RIPOR2: variants seen among roughly 807,000 people sequenced by gnomAD.
RIPOR2 encodes rho family-interacting cell polarization regulator 2.
A neutral mutation model predicts 114.5 loss-of-function variants in RIPOR2; 39 were observed. That is an observed-to-expected ratio of 0.34 (90% confidence interval 0.26 to 0.44). The LOEUF (loss-of-function observed/expected upper bound fraction) is 0.44. Among genes scored for constraint, RIPOR2 ranks in the 20% least tolerant of loss-of-function variants. The pLI is 1.00. For missense variants in RIPOR2, 1,007 were observed against 1,255.1 expected (o/e 0.80, Z 2.99); for synonymous variants, 445 against 484.4 (o/e 0.92, Z 1.07).
intron 1 of RIPOR2, among the ~76,000 whole-genome samples, chr6:25,008,939 G>A (rs1003019274): frequency 1.4e-4 from 22 of 152,250 alleles, no homozygotes; most frequent in African/African-American, 5.3e-4. Context: ...ACTAAGCAGG[G>A]AGAGGTCAAT....
chr6:24,888,687 T>C (rs771024280), intron 1 of RIPOR2, among the ~76,000 whole-genome samples: 1 of 152,212 alleles, frequency 6.6e-6, no homozygotes, highest in Non-Finnish European at 1.5e-5. Context: ...TAAAGCTACA[T>C]GCTGTATTTC....
intron 11 of RIPOR2, 126 bp downstream of exon 11, chr6:24,849,675 TG>T: frequency 1.2e-6 from 1 of 830,086 alleles, no homozygotes; most frequent in Non-Finnish European, 1.9e-6. Flanking sequence ...AGTCCTGGGG[TG>T]GGGCCCGAGA....
chr6:24,976,374 G>C, intron 1 of RIPOR2: 1 of 1,210,078 alleles, frequency 8.3e-7, no homozygotes, highest in Non-Finnish European at 1.2e-6. Context: ...AACGAGAAAA[G>C]GCTTTGCAGA....
rs1465163444 is a variant in RIPOR2, at chr6:24,858,987, A to G, written c.715+1986T>C. Among the ~76,000 whole-genome samples, 1 of 152,146 alleles carries G rather than the reference A, an allele frequency of 6.6e-6. No individual in the cohort carries two copies. The highest frequency in any genetic ancestry group is 2.4e-5 in the African/African-American group (1 of 41,426). On this transcript the variant is annotated intron_variant, in intron 8 of 21. Transcript: ENST00000643898. The surrounding 1 kb of genome is among the most constrained non-coding windows in gnomAD (Gnocchi z 4.0). Reference sequence around the variant, plus strand: ...AGAGGATCTGCCCGTGAGGGAGACCATTCTTTGAGCAATGGTTTATATTGT... The same window carrying G: ...AGAGGATCTGCCCGTGAGGGAGACCGTTCTTTGAGCAATGGTTTATATTGT...
intron 1 of RIPOR2, among the ~76,000 whole-genome samples, chr6:24,884,104 C>G (rs1301206213): frequency 1.3e-5 from 2 of 152,160 alleles, no homozygotes; most frequent in Non-Finnish European, 2.9e-5. Context: ...AAAAATATGG[C>G]TGCTTTAAAG....
chr6:24,969,925 T>C (rs901846474), intron 1 of RIPOR2, among the ~76,000 whole-genome samples: 2 of 152,252 alleles, frequency 1.3e-5, no homozygotes, highest in African/African-American at 4.8e-5. Context: ...GTCTGTTCAC[T>C]GCTGTCTCCC....
intron 1 of RIPOR2, among the ~76,000 whole-genome samples, chr6:24,878,338 A>G (rs953738624): frequency 1.3e-5 from 2 of 152,190 alleles, no homozygotes; most frequent in African/African-American, 4.8e-5. Flanking sequence ...GCAAACTTGT[A>G]ATAAACTATC....
At chr6:24,968,119 T>C (rs1159274337) in intron 1 of RIPOR2, among the ~76,000 whole-genome samples, 2 of 152,068 alleles carry the variant, frequency 1.3e-5, no homozygotes, top group African/African-American at 2.4e-5. Flanking sequence ...TTGGCCAGGC[T>C]GGTCTCAAAC....
intron 1 of RIPOR2, among the ~76,000 whole-genome samples, chr6:24,989,920 C>T (rs560544533): frequency 5.9e-5 from 9 of 151,982 alleles, no homozygotes; most frequent in Non-Finnish European, 1.2e-4. Context: ...ATCCTAGCTA[C>T]TTGGGAGGCT....
At chr6:25,004,882 C>A (rs570881692) in intron 1 of RIPOR2, among the ~76,000 whole-genome samples, 7 of 151,950 alleles carry the variant, frequency 4.6e-5, no homozygotes, top group Admixed American at 3.3e-4. Flanking sequence ...CCTTAAGGTA[C>A]TTTAGTATTC....
intron 1 of RIPOR2, among the ~76,000 whole-genome samples, chr6:24,947,489 AC>A (rs1393193655): frequency 6.6e-6 from 1 of 152,228 alleles, no homozygotes; most frequent in Non-Finnish European, 1.5e-5. Flanking sequence ...AACAGTGAAA[AC>A]AAAACCCCAG....
intron 1 of RIPOR2, chr6:24,910,697 T>C (rs1769478544): frequency 1.9e-6 from 1 of 532,704 alleles, no homozygotes; most frequent in Non-Finnish European, 2.4e-6. Flanking sequence ...GACGCTCCAG[T>C]TTCAACGGCT....
At chr6:24,976,557 G>A (rs887988397) in intron 1 of RIPOR2, 1 of 1,596,706 alleles carries the variant, frequency 6.3e-7, no homozygotes, top group Admixed American at 1.7e-5. Flanking sequence ...GATTGGAGCT[G>A]TTTGCAGACA....
chr6:24,921,170 T>C (rs150137068), intron 1 of RIPOR2, among the ~76,000 whole-genome samples: 12 of 150,468 alleles, frequency 8.0e-5, no homozygotes, highest in South Asian at 4.2e-4. Flanking sequence ...CTCTCTCTCT[T>C]TTTTTTTGAG....
intron 7 of RIPOR2, among the ~76,000 whole-genome samples, chr6:24,865,089 A>C (rs1380287886): frequency 6.6e-6 from 1 of 152,210 alleles, no homozygotes; most frequent in African/African-American, 2.4e-5. Flanking sequence ...CTAGGACTAC[A>C]GGCACATGCC....
chr6:25,006,586 T>C (rs961509934), intron 1 of RIPOR2, among the ~76,000 whole-genome samples: 3 of 152,224 alleles, frequency 2.0e-5, no homozygotes, highest in Non-Finnish European at 4.4e-5. Context: ...TGTTCTTTTT[T>C]TGAAGAGTTC....
At chr6:25,007,124 T>C (rs1304643838) in intron 1 of RIPOR2, among the ~76,000 whole-genome samples, 5 of 125,070 alleles carry the variant, frequency 4.0e-5, no homozygotes, top group South Asian at 3.4e-4. Flanking sequence ...GGACTTTTGT[T>C]ATTATTATTA....
intron 1 of RIPOR2, among the ~76,000 whole-genome samples, chr6:24,921,658 C>A (rs902165866): frequency 6.6e-6 from 1 of 151,528 alleles, no homozygotes; most frequent in African/African-American, 2.4e-5. Context: ...ATCGCCCCCC[C>A]CGACCCTGAT....
chr6:24,907,882 T>A lies in RIPOR2; in HGVS notation c.61+27956A>T, dbSNP rs375302324. 2.2e-4 allele frequency among the ~76,000 whole-genome samples: 33 copies of A among 152,360 alleles called. No individual in the cohort carries two copies. The East Asian group carries it at 5.6e-3, about 26-fold the overall frequency. On this transcript the variant is annotated intron_variant, in intron 1 of 21. Coordinates refer to ENST00000643898, the MANE Select transcript of RIPOR2 (RefSeq NM_001286445.3). Reference sequence around the variant, plus strand: ...ATAATCACATTGCAGGGTGTTTACATGACAACTGCTTTATGAGACCATTCT... The same window carrying A: ...ATAATCACATTGCAGGGTGTTTACAAGACAACTGCTTTATGAGACCATTCT...
Sources: allele counts gnomAD v4.1 joint callset (sites outside exome capture counted in the v4.1 genomes callset), GRCh38; gene constraint gnomAD v4.1.1; non-coding constraint Gnocchi (gnomAD v3.1); transcripts MANE v1.5; gene names NCBI Gene and HGNC (gene_info 2026-07-23, HGNC 2026-07-21).